PCDH15: variants seen among roughly 807,000 people sequenced by gnomAD.
The protein encoded by PCDH15 is protocadherin related 15.
PCDH15 carries 129 observed loss-of-function variants against 178.5 expected under a neutral mutation model. The ratio of observed to expected loss-of-function variants is 0.72; its 90% CI spans 0.63 to 0.84. The LOEUF (loss-of-function observed/expected upper bound fraction) is 0.84, where lower values mean the gene tolerates loss of function less well. Ranked by LOEUF, PCDH15 falls within the 40% of genes least tolerant of loss-of-function variation. PCDH15 has a pLI of 0.00. For synonymous variants in PCDH15, 800 were observed against 732.0 expected (o/e 1.09, Z -1.50); for missense variants, 2,230 against 2,099.9 (o/e 1.06, Z -1.21).
At chr10:55,520,637 T>C (rs989783358) in intron 2 of PCDH15, among the ~76,000 whole-genome samples, 18 of 151,174 alleles carry the variant, frequency 1.2e-4, no homozygotes, top group African/African-American at 4.4e-4. Flanking sequence ...GAATTCTCCA[T>C]AGTATAATGT....
chr10:54,691,614 T>C (rs1334560864), intron 1 of PCDH15, among the ~76,000 whole-genome samples: 1 of 151,776 alleles, frequency 6.6e-6, no homozygotes, highest in Non-Finnish European at 1.5e-5. Flanking sequence ...GTATTTTGAA[T>C]GGCAATGCTT....
chr10:55,241,155 G>T (rs1461688854), intron 1 of PCDH15, among the ~76,000 whole-genome samples: 1 of 152,170 alleles, frequency 6.6e-6, no homozygotes. Flanking sequence ...GGCGGAGGTT[G>T]CAGTGAGCCG....
intron 2 of PCDH15, among the ~76,000 whole-genome samples, chr10:54,934,161 T>C (rs1188438853): frequency 6.6e-6 from 1 of 152,140 alleles, no homozygotes; most frequent in Non-Finnish European, 1.5e-5. Context: ...TTTAATAATT[T>C]GTGGGAATTT....
intron 2 of PCDH15, among the ~76,000 whole-genome samples, chr10:54,914,311 C>T (rs1954866893): frequency 6.6e-6 from 1 of 152,080 alleles, no homozygotes; most frequent in African/African-American, 2.4e-5. Flanking sequence ...TGGCACCTTC[C>T]TGTTTGCTCT....
chr10:55,185,767 A>G (rs1026809680), intron 1 of PCDH15, among the ~76,000 whole-genome samples: 11 of 151,778 alleles, frequency 7.2e-5, no homozygotes, highest in Non-Finnish European at 7.4e-5. Flanking sequence ...CATTCAAAAC[A>G]ATCACAAACG....
intron 28 of PCDH15, among the ~76,000 whole-genome samples, chr10:53,855,904 G>GTATATATATATATATATATTTATATATA (rs56290679): frequency 9.1e-6 from 1 of 109,690 alleles, no homozygotes; most frequent in Admixed American, 1.0e-4. Context: ...AAGGTGATAT[G>GTATATATATATATATATATTTATATATA]TATATATATA....
At chr10:54,427,482 T>G (rs939046702) in intron 3 of PCDH15, among the ~76,000 whole-genome samples, 2 of 151,860 alleles carry the variant, frequency 1.3e-5, no homozygotes, top group African/African-American at 4.8e-5. Flanking sequence ...TTCTCCTTGT[T>G]GGTCACGCTT....
rs756612789 is a variant in PCDH15, at chr10:53,806,816, T to C, written c.4986A>G (p.Glu1662=). 5.0e-6 allele frequency: 8 copies of C among 1,613,912 alleles called. No individual in the cohort carries two copies. The highest frequency in any genetic ancestry group is 5.9e-6 in the Non-Finnish European group (7 of 1,179,828). Residue 1662 remains glutamate, a synonymous_variant, in exon 38 of 38, where the codon GAA becomes GAG. Transcript: ENST00000644397. ...CCAGAGTTGGTCTTGCATTCATTTT[T>C]TCAGTAGAAAATGGCCCCTTTGATA... is the stretch of plus-strand genomic sequence containing the variant. ...NTLSKGPFST[E]KMNARPTLVT...
intron 2 of PCDH15, among the ~76,000 whole-genome samples, chr10:55,349,355 T>C (rs1445795158): frequency 6.6e-6 from 1 of 152,096 alleles, no homozygotes; most frequent in Non-Finnish European, 1.5e-5. Context: ...AAGAAAAGAA[T>C]AGTTTTCATG....
chr10:54,706,275 G>A (rs1339070255), intron 1 of PCDH15, among the ~76,000 whole-genome samples: 2 of 152,040 alleles, frequency 1.3e-5, no homozygotes, highest in African/African-American at 2.4e-5. Context: ...TAACTTCCAA[G>A]TCAATACACA....
intron 3 of PCDH15, among the ~76,000 whole-genome samples, chr10:54,504,685 A>C (rs777063607): frequency 6.6e-6 from 1 of 152,186 alleles, no homozygotes; most frequent in Non-Finnish European, 1.5e-5. Context: ...TTGTTCAGCT[A>C]ATTATATGTA....
At chr10:53,894,753 C>A (rs1215672331) in intron 26 of PCDH15, among the ~76,000 whole-genome samples, 1 of 152,134 alleles carries the variant, frequency 6.6e-6, no homozygotes, top group Non-Finnish European at 1.5e-5. Context: ...CATAAATAAG[C>A]AAACCATCAG....
intron 3 of PCDH15, among the ~76,000 whole-genome samples, chr10:54,519,932 T>C (rs1029225328): frequency 2.2e-4 from 33 of 152,300 alleles, no homozygotes; most frequent in Middle Eastern, 3.4e-3. Context: ...ATCTGATCTT[T>C]GACAAACCTG....
chr10:55,208,654 T>A (rs1450802309), intron 1 of PCDH15, among the ~76,000 whole-genome samples: 4 of 152,082 alleles, frequency 2.6e-5, no homozygotes, highest in Non-Finnish European at 4.4e-5. Context: ...TACTCCTTTA[T>A]CAAATCATAC....
intron 2 of PCDH15, among the ~76,000 whole-genome samples, chr10:55,098,856 C>A (rs1842507204): frequency 6.9e-6 from 1 of 145,136 alleles, no homozygotes; most frequent in African/African-American, 2.6e-5. Flanking sequence ...ATACAGATAA[C>A]ACTTTTGAGT....
intron 3 of PCDH15, among the ~76,000 whole-genome samples, chr10:54,469,397 C>G (rs374030105): frequency 3.4e-4 from 52 of 152,270 alleles, no homozygotes; most frequent in African/African-American, 1.2e-3. Context: ...ATGCTGCCCC[C>G]ATCCCTGCCT....
intron 3 of PCDH15, among the ~76,000 whole-genome samples, chr10:54,385,869 A>C (rs1233186262): frequency 6.6e-6 from 1 of 152,208 alleles, no homozygotes; most frequent in Non-Finnish European, 1.5e-5. Flanking sequence ...AAGCTATTTC[A>C]AAGCCTGACG....
chr10:55,087,503 A>G (rs1272548376), intron 2 of PCDH15, among the ~76,000 whole-genome samples: 1 of 152,184 alleles, frequency 6.6e-6, no homozygotes, highest in African/African-American at 2.4e-5. Context: ...AGAGATGGAG[A>G]GACATTGTTT....
chr10:54,353,910 ACT>A (rs1482517521), intron 5 of PCDH15, among the ~76,000 whole-genome samples: 3 of 152,270 alleles, frequency 2.0e-5, no homozygotes, highest in East Asian at 1.9e-4. Flanking sequence ...ATGATAAATA[ACT>A]CTATCTTTAC....
Sources: gnomAD v4.1 joint callset for allele counts (sites outside exome capture counted in the v4.1 genomes callset) on GRCh38, gnomAD v4.1.1 for gene constraint, MANE v1.5 for transcripts, NCBI Gene and HGNC (gene_info 2026-07-23, HGNC 2026-07-21) for gene names.